Variants in CSF2RB observed in about 807,000 individuals in gnomAD.
CSF2RB encodes cytokine receptor common subunit beta.
A neutral mutation model predicts 67.2 loss-of-function variants in CSF2RB; 22 were observed. That is an observed-to-expected ratio of 0.33 (90% CI 0.23 to 0.47). The LOEUF (loss-of-function observed/expected upper bound fraction) is 0.47, where lower values mean the gene tolerates loss of function less well. Ranked by LOEUF, CSF2RB falls within the 20% of genes least tolerant of loss-of-function variation. The probability of loss-of-function intolerance (pLI) is 1.00; values close to 1 mark genes in which losing one functional copy is unlikely to be tolerated. For synonymous variants in CSF2RB, 507 were observed against 482.9 expected, an observed-to-expected ratio of 1.05 and a Z score of -0.65; for missense variants, 1,113 against 1,174.5, an observed-to-expected ratio of 0.95 and a Z score of 0.76.
At chr22:36,914,989 C>T (rs960080029) in intron 1 of CSF2RB, among the ~76,000 whole-genome samples, 31 of 152,198 alleles carry the variant, frequency 2.0e-4, no homozygotes, top group African/African-American at 7.5e-4. Flanking sequence ...TTCCCTAGTT[C>T]CATAGCTTAT....
chr22:36,932,979 C>T (rs1941185628), intron 9 of CSF2RB, 75 bp downstream of exon 9: 3 of 1,583,604 alleles, frequency 1.9e-6, no homozygotes, highest in Middle Eastern at 1.7e-4. Flanking sequence ...AGGCATTCCA[C>T]CTGCAAGGCG....
intron 1 of CSF2RB, among the ~76,000 whole-genome samples, chr22:36,917,661 C>T (rs111284844): frequency 2.0e-5 from 3 of 152,216 alleles, no homozygotes; most frequent in Middle Eastern, 3.4e-3. Context: ...CAGTGGCTCA[C>T]GCCTGTAATC....
In CSF2RB at chr22:36,939,372, C is replaced by T. The variant is rs1941341926; in HGVS notation, c.*870C>T. 1.5e-6 allele frequency: 1 copy of T among 677,024 alleles called. No homozygotes were observed. Among genetic ancestry groups the T allele is most frequent in the Non-Finnish European group, 2.7e-6 (1 of 371,606 alleles). 41.9% of individuals were successfully genotyped at this position (677,024 alleles called of 1,614,324 possible). ...AAACTGCCAAACAAAGGAAAATGCCCCAAAGGCATATATGCTTTAGGGCCT... is the reference window on the plus strand; with the variant it reads ...AAACTGCCAAACAAAGGAAAATGCCTCAAAGGCATATATGCTTTAGGGCCT... On this transcript the variant is annotated 3_prime_UTR_variant, in exon 14 of 14. Coordinates refer to ENST00000403662, the MANE Select transcript of CSF2RB (RefSeq NM_000395.3).
chr22:36,918,700 C>T (rs1019502017), intron 1 of CSF2RB, among the ~76,000 whole-genome samples: 1 of 152,230 alleles, frequency 6.6e-6, no homozygotes, highest in Non-Finnish European at 1.5e-5. Flanking sequence ...ATCTGTTTGG[C>T]TGCACATGGA....
intron 3 of CSF2RB, chr22:36,923,823 G>C: frequency 3.9e-5 from 49 of 1,272,306 alleles, no homozygotes; most frequent in Non-Finnish European, 4.7e-5. Context: ...TGGAGGTGAG[G>C]TGCCAGCCCT....
chr22:36,939,948 A>G lies in CSF2RB; in HGVS notation c.*1446A>G, dbSNP rs1941351813. 1.3e-5 allele frequency: 2 copies of G among 152,246 alleles called. No homozygotes were observed. The highest frequency in any genetic ancestry group is 1.9e-4 in the East Asian group (1 of 5,180). The allele number at this position is 152,246 out of a possible 1,614,324, so 9.4% of individuals were successfully genotyped here. On this transcript the variant is annotated 3_prime_UTR_variant, in exon 14 of 14. Transcript: ENST00000403662. Reference sequence around the variant, plus strand: ...TTTTCTAGTTCATTTTGTGTTTCCAACTTTTCATGTAAAATTTTAATTATT... The same window carrying G: ...TTTTCTAGTTCATTTTGTGTTTCCAGCTTTTCATGTAAAATTTTAATTATT...
chr22:36,919,289 C>G (rs772238065), intron 1 of CSF2RB, among the ~76,000 whole-genome samples: 1 of 152,202 alleles, frequency 6.6e-6, no homozygotes, highest in Non-Finnish European at 1.5e-5. Flanking sequence ...ATTTCTTTCC[C>G]AAACCTAAAG....
At chr22:36,927,756 G>C (rs903704069) in intron 4 of CSF2RB, among the ~76,000 whole-genome samples, 4 of 152,224 alleles carry the variant, frequency 2.6e-5, no homozygotes, top group African/African-American at 9.6e-5. Flanking sequence ...GGGACTTACA[G>C]GGTAGATTGG....
chr22:36,921,535 C>T (rs571336725), intron 1 of CSF2RB, among the ~76,000 whole-genome samples: 1 of 151,946 alleles, frequency 6.6e-6, no homozygotes, highest in Non-Finnish European at 1.5e-5. Flanking sequence ...AGAAAAGGAG[C>T]CACACTTGTC....
chr22:36,914,641 C>T (rs888974485), intron 1 of CSF2RB, among the ~76,000 whole-genome samples: 1 of 152,052 alleles, frequency 6.6e-6, no homozygotes, highest in Non-Finnish European at 1.5e-5. Flanking sequence ...CAGGTGCTAG[C>T]GACAAGCTGC....
intron 1 of CSF2RB, among the ~76,000 whole-genome samples, chr22:36,916,119 C>A (rs1313082332): frequency 1.3e-5 from 2 of 152,052 alleles, no homozygotes; most frequent in Non-Finnish European, 2.9e-5. Flanking sequence ...TAAGTCAAAC[C>A]TGTCATTACT....
At position 36,933,827 on chromosome 22, in the gene CSF2RB, C is replaced by T. The variant is rs990723805; in HGVS notation, c.1153-5C>T. 1 of 1,605,090 alleles carries T rather than the reference C, an allele frequency of 6.2e-7. No homozygotes were observed. Among genetic ancestry groups the T allele is most frequent in the African/African-American group, 1.3e-5 (1 of 74,808 alleles). On this transcript the variant is annotated splice_polypyrimidine_tract_variant and splice_region_variant and intron_variant, in intron 9 of 13. Coordinates refer to ENST00000403662, the MANE Select transcript of CSF2RB (RefSeq NM_000395.3). ...CCAGGCCTCACCCTCAGTGCCAACC[C>T]ACAGGACAGCAAGACCGAGACCCTC... is the stretch of plus-strand genomic sequence containing the variant.
rs1482739026 is a variant in CSF2RB, at chr22:36,937,919, A to G, written c.2111A>G (p.Asp704Gly). 6 of 1,613,906 alleles carry G rather than the reference A, an allele frequency of 3.7e-6. No individual in the cohort carries two copies. The change falls in exon 14 of 14, where the codon GAC becomes GGC. Residue 704 changes from aspartate (D) to glycine (G), a missense_variant. Asp to Gly is a moderately conservative substitution (Grantham distance 94). This residue lies in a region of CSF2RB where 554 missense variants were observed against 517.9 expected (regional missense o/e 1.07). Coordinates refer to ENST00000403662, the MANE Select transcript of CSF2RB (RefSeq NM_000395.3). This position sits in a 1 kb window ranked among gnomAD's most constrained non-coding sequence, Gnocchi z 4.6. ...AIPMSSGDTE[D>G]PGVASGYVSS... ...CCCATGAGCTCTGGGGACACTGAGGACCCTGGAGTGGCCTCTGGTTATGTC... is the reference window on the plus strand; with the variant it reads ...CCCATGAGCTCTGGGGACACTGAGGGCCCTGGAGTGGCCTCTGGTTATGTC...
At chr22:36,924,785 C>T (rs932239755) in intron 3 of CSF2RB, among the ~76,000 whole-genome samples, 4 of 152,164 alleles carry the variant, frequency 2.6e-5, no homozygotes, top group African/African-American at 9.7e-5. Context: ...TTCTCTTGCA[C>T]CTGACTCTGC....
intron 1 of CSF2RB, among the ~76,000 whole-genome samples, chr22:36,915,971 A>G (rs1256476918): frequency 6.6e-6 from 1 of 152,110 alleles, no homozygotes; most frequent in Non-Finnish European, 1.5e-5. Context: ...TTACATCTTA[A>G]CTTTTGGAGT....
At position 36,926,046 on chromosome 22, in the gene CSF2RB, C is replaced by T; in HGVS notation, c.260C>T (p.Pro87Leu). 6.2e-7 allele frequency: 1 copy of T among 1,614,202 alleles called. No individual in the cohort carries two copies. Among genetic ancestry groups the T allele is most frequent in the East Asian group, 2.2e-5 (1 of 44,888 alleles). The change falls in exon 4 of 14, where the codon CCC becomes CTC. Residue 87 changes from proline (P) to leucine (L), a missense_variant. Around this residue, in one of 2 missense-constraint regions of CSF2RB, gnomAD observed 559 missense variants for 656.5 expected, o/e 0.85. Transcript: ENST00000403662. ...GATGACATGCCCTGGTCAGCCTGCC[C>T]CCATCCCCGCTGCGTGCCCAGGAGA... Reference protein sequence around the residue: ...LSDDMPWSACPHPRCVPRRCV... With the variant: ...LSDDMPWSACLHPRCVPRRCV...
intron 3 of CSF2RB, among the ~76,000 whole-genome samples, chr22:36,924,380 A>T (rs1432161280): frequency 6.6e-6 from 1 of 151,840 alleles, no homozygotes; most frequent in Non-Finnish European, 1.5e-5. Context: ...ACGGCCCCCA[A>T]GTCCCCACTC....
intron 7 of CSF2RB, 77 bp downstream of exon 7, chr22:36,930,587 C>G (rs189973117): frequency 6.2e-7 from 1 of 1,611,128 alleles, no homozygotes; most frequent in Admixed American, 1.7e-5. Context: ...CCCTGGGGCC[C>G]CAGCAGAAGC....
rs140615543 is a variant in CSF2RB, at chr22:36,932,822, G to A, written c.1070G>A (p.Arg357His). The change falls in exon 9 of 14, where the codon CGC (arginine) becomes CAC (histidine). Residue 357 changes from arginine to histidine, a missense_variant. This residue lies in a region of CSF2RB where 559 missense variants were observed against 656.5 expected (regional missense o/e 0.85). Transcript: ENST00000403662. ...VTKDGDSYSL[R>H]WETMKMRYEH... is the part of the protein sequence containing the mutation. ...AAGGATGGAGACAGCTACAGCCTGC[G>A]CTGGGAAACAATGAAAATGCGATAC... 120 of 1,613,984 alleles carry A rather than the reference G, an allele frequency of 7.4e-5. No individual in the cohort carries two copies. Among genetic ancestry groups the A allele is most frequent in the Middle Eastern group, 1.6e-4 (1 of 6,082 alleles).
Sources: gnomAD v4.1 joint callset for allele counts (sites outside exome capture counted in the v4.1 genomes callset) on GRCh38, gnomAD v4.1.1 for gene constraint, gnomAD v4.1.1 regional missense constraint, Gnocchi (gnomAD v3.1) non-coding constraint, MANE v1.5 for transcripts, NCBI Gene and HGNC (gene_info 2026-07-23, HGNC 2026-07-21) for gene names.